LYPLAL1: variants seen among roughly 807,000 people sequenced by gnomAD.
LYPLAL1 encodes lysophospholipase-like protein 1.
Under a neutral mutation model 19.7 loss-of-function variants are expected in LYPLAL1, and 23 were observed. The ratio of observed to expected loss-of-function variants is 1.17; its 90% confidence interval spans 0.84 to 1.65. The LOEUF is 1.65. Among genes scored for constraint, LYPLAL1 ranks in the 40% most tolerant of loss-of-function variants. LYPLAL1 has a pLI of 0.00. For synonymous variants in LYPLAL1, 119 were observed against 96.3 expected, an observed-to-expected ratio of 1.24 and a Z score of -1.38; for missense variants, 355 against 279.4, an observed-to-expected ratio of 1.27 and a Z score of -1.93.
At chr1:219,418,791 G>A in the LYPLAL1 span, among the ~76,000 whole-genome samples, 1 of 152,110 alleles carries the variant, frequency 6.6e-6, no homozygotes, top group African/African-American at 2.4e-5. Context: ...TATGTGCTCT[G>A]CCTGTTCATT....
chr1:219,419,588 C>CAGAGAGAGAGAGAG, the LYPLAL1 span, among the ~76,000 whole-genome samples: 2 of 75,964 alleles, frequency 2.6e-5, no homozygotes, highest in Admixed American at 1.4e-4. Flanking sequence ...CACACACACA[C>CAGAGAGAGAGAGAG]ACACACAGAG....
chr1:219,386,788 A>G, the LYPLAL1 span, among the ~76,000 whole-genome samples: 1 of 152,190 alleles, frequency 6.6e-6, no homozygotes, highest in Non-Finnish European at 1.5e-5. Context: ...ACCTACAAAC[A>G]CGACCATCTT....
At chr1:219,254,608 C>T in the LYPLAL1 span, among the ~76,000 whole-genome samples, 1 of 152,154 alleles carries the variant, frequency 6.6e-6, no homozygotes, top group African/African-American at 2.4e-5. Context: ...CATAGGCCCC[C>T]AGTTTCTTCC....
chr1:219,416,047 G>C, the LYPLAL1 span, among the ~76,000 whole-genome samples: 1 of 152,138 alleles, frequency 6.6e-6, no homozygotes, highest in African/African-American at 2.4e-5. Flanking sequence ...TTACAGAAAA[G>C]CTGAGAAGAT....
At chr1:219,236,924 G>A in the LYPLAL1 span, among the ~76,000 whole-genome samples, 1 of 151,952 alleles carries the variant, frequency 6.6e-6, no homozygotes, top group African/African-American at 2.4e-5. Flanking sequence ...CCCCTTGACA[G>A]GCCCCAGTGT....
chr1:219,422,555 A>G, the LYPLAL1 span, among the ~76,000 whole-genome samples: 10 of 152,340 alleles, frequency 6.6e-5, no homozygotes, highest in East Asian at 1.9e-3. Context: ...ATGATAAGAT[A>G]TACAGAAAAA....
At chr1:219,190,907 A>G (rs969223482) in intron 2 of LYPLAL1, among the ~76,000 whole-genome samples, 1 of 151,574 alleles carries the variant, frequency 6.6e-6, no homozygotes, top group Non-Finnish European at 1.5e-5. Context: ...TTGCTCGTGA[A>G]GGGGCATGAT....
Position 219,173,923 on chromosome 1 carries a change from C to T in LYPLAL1, c.33C>T (p.Arg11=). 1.9e-6 allele frequency: 3 copies of T among 1,613,806 alleles called. No individual in the cohort carries two copies. The highest frequency in any genetic ancestry group is 2.7e-5 in the African/African-American group (2 of 75,064). MAAASGSVLQ[R]CIVSPAGRHS... ...CTGCGTCGGGGTCGGTTCTGCAGCGCTGTATCGTGTCGCCGGCAGGGAGGC... is the reference window on the plus strand; with the variant it reads ...CTGCGTCGGGGTCGGTTCTGCAGCGTTGTATCGTGTCGCCGGCAGGGAGGC... Residue 11 remains arginine, a synonymous_variant, in exon 1 of 5, where the codon CGC becomes CGT. Transcript: ENST00000366928.
chr1:219,330,112 T>A, the LYPLAL1 span, among the ~76,000 whole-genome samples: 1 of 152,078 alleles, frequency 6.6e-6, no homozygotes, highest in African/African-American at 2.4e-5. Context: ...TGAGGAGTAA[T>A]CATAAAAGGA....
At chr1:219,332,446 T>G in the LYPLAL1 span, among the ~76,000 whole-genome samples, 1 of 152,164 alleles carries the variant, frequency 6.6e-6, no homozygotes, top group South Asian at 2.1e-4. Context: ...GCTGTGTTGC[T>G]TCTGACTTCC....
chr1:219,220,709 A>G, the LYPLAL1 span, among the ~76,000 whole-genome samples: 2 of 152,162 alleles, frequency 1.3e-5, no homozygotes, highest in Non-Finnish European at 2.9e-5. Flanking sequence ...ACATTAAACA[A>G]TTCTAGATCC....
At chr1:219,237,540 T>TC in the LYPLAL1 span, among the ~76,000 whole-genome samples, 1 of 152,232 alleles carries the variant, frequency 6.6e-6, no homozygotes, top group East Asian at 1.9e-4. Context: ...TAATGGTGAC[T>TC]CCGTTTTGTA....
At chr1:219,256,049 C>T in the LYPLAL1 span, among the ~76,000 whole-genome samples, 1 of 151,398 alleles carries the variant, frequency 6.6e-6, no homozygotes, top group Non-Finnish European at 1.5e-5. Context: ...GTAATATTCT[C>T]ATCAGATTTT....
the LYPLAL1 span, among the ~76,000 whole-genome samples, chr1:219,255,003 T>C: frequency 5.9e-5 from 9 of 152,096 alleles, no homozygotes; most frequent in African/African-American, 2.2e-4. Context: ...CTATCTTATT[T>C]CAGAGAACCA....
At chr1:219,294,448 C>T in the LYPLAL1 span, among the ~76,000 whole-genome samples, 1 of 152,160 alleles carries the variant, frequency 6.6e-6, no homozygotes, top group African/African-American at 2.4e-5. Context: ...CAGAAGCTCC[C>T]AACTGTGGCA....
chr1:219,190,647 T>C (rs1657100403), intron 2 of LYPLAL1, among the ~76,000 whole-genome samples: 2 of 103,316 alleles, frequency 1.9e-5, no homozygotes, highest in African/African-American at 7.7e-5. Context: ...AAAAAACCCT[T>C]AAGTACATAA....
intron 2 of LYPLAL1, among the ~76,000 whole-genome samples, chr1:219,182,065 T>G (rs1489624652): frequency 1.3e-5 from 2 of 152,182 alleles, no homozygotes; most frequent in African/African-American, 2.4e-5. Flanking sequence ...TATTTTGTTG[T>G]GGTAAATAAC....
intron 1 of LYPLAL1, among the ~76,000 whole-genome samples, chr1:219,176,489 A>G (rs1257733101): frequency 6.6e-6 from 1 of 152,142 alleles, no homozygotes; most frequent in Non-Finnish European, 1.5e-5. Flanking sequence ...AATGTAATGG[A>G]CATTTTCAGT....
the LYPLAL1 span, among the ~76,000 whole-genome samples, chr1:219,356,515 A>G: frequency 1.3e-5 from 2 of 152,170 alleles, no homozygotes; most frequent in African/African-American, 4.8e-5. Flanking sequence ...CAACAACAAA[A>G]GGGAAAATAG....
Sources: allele counts gnomAD v4.1 joint callset (sites outside exome capture counted in the v4.1 genomes callset), GRCh38; gene constraint gnomAD v4.1.1; transcripts MANE v1.5; gene names NCBI Gene and HGNC (gene_info 2026-07-23, HGNC 2026-07-21).